The following GLT1D1 variants were observed in gnomAD, a reference collection of about 807,000 sequenced individuals.
The protein encoded by GLT1D1 is glycosyltransferase 1 domain containing 1.
Under a neutral mutation model 28.7 loss-of-function variants are expected in GLT1D1, and 21 were observed. The observed-to-expected ratio is 0.73, with a 90% CI of 0.52 to 1.05. The LOEUF (loss-of-function observed/expected upper bound fraction) is 1.05, where lower values mean the gene tolerates loss of function less well. Among genes scored for constraint, GLT1D1 ranks in the 50% least tolerant of loss-of-function variants. GLT1D1 has a pLI of 0.00. For missense variants in GLT1D1, 343 were observed against 330.6 expected (o/e 1.04, Z -0.29); for synonymous variants, 147 against 124.8 (o/e 1.18, Z -1.19).
intron 1 of GLT1D1, among the ~76,000 whole-genome samples, chr12:128,868,306 G>T (rs918490109): frequency 1.3e-5 from 2 of 152,232 alleles, no homozygotes; most frequent in African/African-American, 2.4e-5. Context: ...CTAGGGGTGG[G>T]TGTGTGGAGA....
At chr12:128,945,993 G>A (rs539950184) in intron 5 of GLT1D1, among the ~76,000 whole-genome samples, 1 of 152,314 alleles carries the variant, frequency 6.6e-6, no homozygotes, top group South Asian at 2.1e-4. Flanking sequence ...GTAAAGTGGT[G>A]TCTTCACAGC....
rs538257875 is a variant in GLT1D1 at position 128,859,845 on chromosome 12, GA to G, written c.68+6203del. Reference sequence around the variant, plus strand: ...CTTCATGATAGAGGGAAAATACTGGGAAAAAAAGACAGGAAAATCTAAAGCT... The same window carrying G: ...CTTCATGATAGAGGGAAAATACTGGGAAAAAAGACAGGAAAATCTAAAGCT... On this transcript the variant is annotated intron_variant, in intron 1 of 7. Transcript: ENST00000281703. Among the ~76,000 whole-genome samples the G allele has an allele frequency of 2.9e-3, 444 of 152,130 alleles. 4 individuals are homozygous for G. The highest frequency in any genetic ancestry group is 3.5e-3 in the Non-Finnish European group (238 of 67,972).
chr12:128,974,648 C>T (rs982408365), intron 7 of GLT1D1, among the ~76,000 whole-genome samples: 2 of 152,214 alleles, frequency 1.3e-5, no homozygotes, highest in Admixed American at 6.5e-5. Context: ...GCTGTTTGTC[C>T]TGCGTCACGG....
At chr12:128,915,367 ATT>A (rs111881790) in intron 4 of GLT1D1, among the ~76,000 whole-genome samples, 8 of 143,682 alleles carry the variant, frequency 5.6e-5, no homozygotes, top group Non-Finnish European at 6.1e-5. Context: ...TATGCAACAC[ATT>A]TTTTTTTTTT....
intron 7 of GLT1D1, among the ~76,000 whole-genome samples, chr12:128,960,051 C>A (rs557624838): frequency 2.0e-4 from 31 of 152,298 alleles, no homozygotes; most frequent in Non-Finnish European, 4.1e-4. Context: ...CATTATCGTG[C>A]CGCCGATGTA....
At chr12:128,907,636 G>A (rs972836168) in intron 4 of GLT1D1, among the ~76,000 whole-genome samples, 5 of 152,154 alleles carry the variant, frequency 3.3e-5, no homozygotes, top group Admixed American at 1.3e-4. Flanking sequence ...CTATGAAGGT[G>A]AGCCCTCATT....
At chr12:128,892,085 G>A (rs376629656) in intron 3 of GLT1D1, among the ~76,000 whole-genome samples, 2 of 152,282 alleles carry the variant, frequency 1.3e-5, no homozygotes, top group African/African-American at 4.8e-5. Flanking sequence ...ACAAAAGGTC[G>A]CATTCTTTTG....
intron 3 of GLT1D1, among the ~76,000 whole-genome samples, chr12:128,893,593 GT>G (rs908522707): frequency 6.6e-5 from 10 of 150,872 alleles, no homozygotes; most frequent in Non-Finnish European, 1.5e-4. Context: ...GAATTTTATT[GT>G]TTTTTTTTGG....
At chr12:128,884,558 T>C (rs1420559759) in intron 2 of GLT1D1, among the ~76,000 whole-genome samples, 1 of 152,208 alleles carries the variant, frequency 6.6e-6, no homozygotes, top group African/African-American at 2.4e-5. Flanking sequence ...CTCATACCTG[T>C]AATCCCAGCA....
intron 3 of GLT1D1, among the ~76,000 whole-genome samples, chr12:128,891,396 A>C (rs1869037168): frequency 6.6e-6 from 1 of 152,194 alleles, no homozygotes; most frequent in African/African-American, 2.4e-5. Flanking sequence ...TGTGTCTAGA[A>C]TAACCCTGAA....
chr12:128,900,618 T>A (rs1032588252), intron 4 of GLT1D1, among the ~76,000 whole-genome samples: 4 of 151,984 alleles, frequency 2.6e-5, no homozygotes, highest in Non-Finnish European at 5.9e-5. Context: ...TGGTTTCCAG[T>A]TTTATTGTAA....
chr12:128,857,013 A>G (rs1007727732), intron 1 of GLT1D1, among the ~76,000 whole-genome samples: 2 of 152,194 alleles, frequency 1.3e-5, no homozygotes, highest in African/African-American at 4.8e-5. Context: ...GAAGAACCTG[A>G]ACGGGCACAG....
intron 4 of GLT1D1, among the ~76,000 whole-genome samples, chr12:128,902,113 G>A (rs1870341918): frequency 1.3e-5 from 2 of 151,656 alleles, no homozygotes; most frequent in Non-Finnish European, 2.9e-5. Flanking sequence ...TGATCAATAT[G>A]TGACCTATAG....
At position 128,903,451 on chromosome 12, in the gene GLT1D1, A is replaced by G. The variant is rs1259077646; in HGVS notation, c.375+4164A>G. ...ACGGTCCCCACCTCATAATGAGAGG[A>G]TCTTTAATGCTGCCTTACAAGGGCA... On this transcript the variant is annotated intron_variant, in intron 4 of 7. Transcript: ENST00000281703. Among the ~76,000 whole-genome samples the G allele has an allele frequency of 4.0e-5, 6 of 151,724 alleles. No homozygotes were observed. In the East Asian group the frequency reaches 1.2e-3, roughly 29 times the overall value.
intron 4 of GLT1D1, chr12:128,944,224 T>C (rs1875724581): frequency 2.0e-6 from 1 of 498,120 alleles, no homozygotes; most frequent in Non-Finnish European, 3.8e-6. Context: ...GCAAGGACTA[T>C]GAGGTTTGCC....
intron 7 of GLT1D1, among the ~76,000 whole-genome samples, 156 bp from the exon 12 acceptor site, chr12:128,982,773 G>A (rs1429810228): frequency 3.3e-5 from 5 of 152,066 alleles, no homozygotes; most frequent in African/African-American, 1.2e-4. Flanking sequence ...CTCAGTGTTT[G>A]CATTAACTCC....
rs190820628 is a variant in GLT1D1, at chr12:128,888,752, C to G, written c.323+8C>G. The G allele has an allele frequency of 9.8e-5, 152 of 1,546,542 alleles. No individual in the cohort carries two copies. In the Admixed American group the frequency reaches 1.3e-3, roughly 13 times the overall value. On this transcript the variant is annotated splice_region_variant and intron_variant, in intron 3 of 7. Coordinates refer to ENST00000281703, the MANE Select transcript of GLT1D1 (RefSeq NM_144669.3). ...AGTTCTTGAGGAAGCCAGGTAATAC[C>G]TGCGAGAATTTCATCCATGCCAAAC...
At chr12:128,973,127 A>C (rs1237923921) in intron 7 of GLT1D1, among the ~76,000 whole-genome samples, 1 of 145,666 alleles carries the variant, frequency 6.9e-6, no homozygotes, top group African/African-American at 2.5e-5. Context: ...AAGAATCCAC[A>C]TATAGGTAAA....
In GLT1D1 at chr12:128,926,061, A is replaced by C. The variant is rs184256297; in HGVS notation, c.376-19265A>C. On this transcript the variant is annotated intron_variant, in intron 4 of 7. Coordinates refer to ENST00000281703, the MANE Select transcript of GLT1D1 (RefSeq NM_144669.3). ...AAAAATTAGCCAGGTGTGGTGGTGC[A>C]TGCCTATAATCCCAGCTACTCAGGA... Among the ~76,000 whole-genome samples the C allele has an allele frequency of 2.1e-3, 324 of 152,022 alleles. 3 individuals carry two copies. The Middle Eastern group carries it at 0.024, about 11-fold the overall frequency.
Sources: allele counts gnomAD v4.1 joint callset (sites outside exome capture counted in the v4.1 genomes callset), GRCh38; gene constraint gnomAD v4.1.1; transcripts MANE v1.5; gene names NCBI Gene and HGNC (gene_info 2026-07-23, HGNC 2026-07-21).